Variants in LRRIQ3 observed in about 807,000 individuals in gnomAD.
LRRIQ3 encodes leucine-rich repeat and IQ domain-containing protein 3.
In LRRIQ3, 75 loss-of-function variants were observed where a neutral mutation model predicts 59.3. That is an observed-to-expected ratio of 1.26 (90% CI 1.05 to 1.53). LRRIQ3 has a LOEUF of 1.53. Ranked by LOEUF, LRRIQ3 falls within the 40% of genes most tolerant of loss-of-function variation. The probability of loss-of-function intolerance (pLI) is 0.00; values close to 1 mark genes in which losing one functional copy is unlikely to be tolerated. For missense variants in LRRIQ3, 831 were observed against 710.0 expected, an observed-to-expected ratio of 1.17 and a Z score of -1.94; for synonymous variants, 250 against 231.3, an observed-to-expected ratio of 1.08 and a Z score of -0.73.
chr1:74,132,230 A>T (rs2100613359), intron 4 of LRRIQ3, among the ~76,000 whole-genome samples: 1 of 152,320 alleles, frequency 6.6e-6, no homozygotes, highest in East Asian at 1.9e-4. Flanking sequence ...AAGAGGACAC[A>T]AACAAATGGA....
rs1445101648 is a variant in LRRIQ3, at chr1:74,046,757, AAAAC to A, written c.998-4828_998-4825del. Among the ~76,000 whole-genome samples the A allele has an allele frequency of 3.3e-5, 5 of 152,196 alleles. No individual in the cohort carries two copies. The South Asian group carries it at 6.2e-4, about 19-fold the overall frequency. ...GAGCTTAAACAGATTTACAAGAAAA[AAAAC>A]AAACAAACCCATCAAAAAGTGGGCA... is the stretch of plus-strand genomic sequence containing the variant. On this transcript the variant is annotated intron_variant, in intron 6 of 7. Coordinates refer to ENST00000354431, the MANE Select transcript of LRRIQ3 (RefSeq NM_001105659.2).
intron 3 of LRRIQ3, among the ~76,000 whole-genome samples, chr1:74,168,363 T>C (rs1012351946): frequency 1.3e-5 from 2 of 152,124 alleles, no homozygotes; most frequent in Non-Finnish European, 2.9e-5. Context: ...ATTCCCTTTG[T>C]GCTGAAATTT....
intron 7 of LRRIQ3, among the ~76,000 whole-genome samples, chr1:74,027,389 T>A (rs373794341): frequency 6.6e-6 from 1 of 152,100 alleles, no homozygotes; most frequent in East Asian, 1.9e-4. Flanking sequence ...TAAGAAGTAG[T>A]TAAGGCTAAA....
chr1:74,124,344 G>T (rs1225844725), intron 4 of LRRIQ3, among the ~76,000 whole-genome samples: 1 of 151,802 alleles, frequency 6.6e-6, no homozygotes, highest in Non-Finnish European at 1.5e-5. Context: ...TTCCTTTGCT[G>T]TGCAGAAGCT....
In LRRIQ3 at chr1:74,067,310, C is replaced by T. The variant is rs542330948; in HGVS notation, c.997+7351G>A. 2.5e-3 allele frequency among the ~76,000 whole-genome samples: 384 copies of T among 152,188 alleles called. 1 individual carries two copies. The highest frequency in any genetic ancestry group is 4.3e-3 in the Non-Finnish European group (291 of 67,990). ...GAAAGACTAACCACAAGTGGAAGTA[C>T]ACACTCTGTGAACTTCTCCTACCTT... On this transcript the variant is annotated intron_variant, in intron 6 of 7. Transcript: ENST00000354431.
At chr1:74,113,146 T>G (rs910375841) in intron 4 of LRRIQ3, among the ~76,000 whole-genome samples, 4 of 151,576 alleles carry the variant, frequency 2.6e-5, no homozygotes, top group Non-Finnish European at 5.9e-5. Flanking sequence ...ATAAAAATAA[T>G]TTAAAAAAAA....
chr1:74,114,977 A>G (rs1030062933), intron 4 of LRRIQ3, among the ~76,000 whole-genome samples: 2 of 151,878 alleles, frequency 1.3e-5, no homozygotes, highest in Non-Finnish European at 2.9e-5. Context: ...CATGGCTCCT[A>G]TTTTAAATAT....
At chr1:74,092,388 G>C (rs1360604445) in intron 5 of LRRIQ3, among the ~76,000 whole-genome samples, 5 of 151,802 alleles carry the variant, frequency 3.3e-5, no homozygotes, top group Admixed American at 6.6e-5. Flanking sequence ...GCTGGAAGTG[G>C]GATGGTACAG....
At chr1:74,146,333 T>C (rs1647568273) in intron 4 of LRRIQ3, among the ~76,000 whole-genome samples, 1 of 152,158 alleles carries the variant, frequency 6.6e-6, no homozygotes, top group Non-Finnish European at 1.5e-5. Flanking sequence ...ATTATATATG[T>C]TCCATGATAT....
intron 4 of LRRIQ3, among the ~76,000 whole-genome samples, chr1:74,132,302 G>C (rs1204872181): frequency 2.6e-5 from 4 of 152,062 alleles, no homozygotes; most frequent in Non-Finnish European, 5.9e-5. Flanking sequence ...TATTGCCCAA[G>C]GTAATTTATA....
intron 5 of LRRIQ3, among the ~76,000 whole-genome samples, chr1:74,088,470 C>T (rs1012813910): frequency 1.2e-4 from 18 of 151,932 alleles, no homozygotes; most frequent in Admixed American, 6.6e-4. Flanking sequence ...ATTATATATA[C>T]AGACATACGT....
intron 4 of LRRIQ3, among the ~76,000 whole-genome samples, chr1:74,151,614 G>A (rs1435042771): frequency 6.6e-6 from 1 of 152,118 alleles, no homozygotes; most frequent in African/African-American, 2.4e-5. Context: ...ATGGGCATTA[G>A]TGTGTGAATA....
chr1:74,175,161 T>A (rs763119271), intron 3 of LRRIQ3, among the ~76,000 whole-genome samples: 59 of 152,302 alleles, frequency 3.9e-4, no homozygotes, highest in Non-Finnish European at 2.4e-4. Flanking sequence ...TGAAGTCAGA[T>A]GAGGCCGATG....
intron 4 of LRRIQ3, among the ~76,000 whole-genome samples, chr1:74,120,618 T>G (rs1251508549): frequency 6.6e-6 from 1 of 152,012 alleles, no homozygotes; most frequent in Non-Finnish European, 1.5e-5. Context: ...TATATAATAA[T>G]CTAATTTCTT....
At chr1:74,052,280 G>A (rs1471975052) in intron 6 of LRRIQ3, among the ~76,000 whole-genome samples, 2 of 152,102 alleles carry the variant, frequency 1.3e-5, no homozygotes, top group African/African-American at 4.8e-5. Context: ...TACAGCCACT[G>A]TTGGATAGTA....
chr1:74,169,317 T>A (rs774942024), intron 3 of LRRIQ3, among the ~76,000 whole-genome samples: 3 of 152,120 alleles, frequency 2.0e-5, no homozygotes, highest in Non-Finnish European at 4.4e-5. Context: ...TGTATTCATC[T>A]CTCCGTGAAC....
At chr1:74,162,827 A>C (rs1176673908) in intron 3 of LRRIQ3, among the ~76,000 whole-genome samples, 1 of 151,722 alleles carries the variant, frequency 6.6e-6, no homozygotes, top group Non-Finnish European at 1.5e-5. Context: ...AACAGAGGAT[A>C]CTAGAGGCTG....
At chr1:74,194,473 C>A (rs1488596981) in intron 1 of LRRIQ3, among the ~76,000 whole-genome samples, 1 of 152,086 alleles carries the variant, frequency 6.6e-6, no homozygotes, top group Non-Finnish European at 1.5e-5. Flanking sequence ...AATCAGAATT[C>A]ATTTGTAATT....
At chr1:74,152,260 C>CA (rs1473853649) in intron 4 of LRRIQ3, among the ~76,000 whole-genome samples, 2 of 151,446 alleles carry the variant, frequency 1.3e-5, no homozygotes, top group African/African-American at 4.8e-5. Flanking sequence ...ATGAAAACAA[C>CA]AAAAAATTTC....
Sources: gnomAD v4.1 joint callset for allele counts (sites outside exome capture counted in the v4.1 genomes callset) on GRCh38, gnomAD v4.1.1 for gene constraint, MANE v1.5 for transcripts, NCBI Gene and HGNC (gene_info 2026-07-23, HGNC 2026-07-21) for gene names.